Variants in ADGRB3 observed in about 807,000 individuals in gnomAD.
ADGRB3 encodes the protein adhesion G protein-coupled receptor B3.
ADGRB3 carries 37 observed loss-of-function variants against 193.4 expected under a neutral mutation model. The ratio of observed to expected loss-of-function variants is 0.19; its 90% confidence interval spans 0.15 to 0.25. The LOEUF (loss-of-function observed/expected upper bound fraction) is 0.25, where lower values mean the gene tolerates loss of function less well. ADGRB3 is among the 10% of genes least tolerant of loss of function. The probability of loss-of-function intolerance (pLI) is 1.00; values close to 1 mark genes in which losing one functional copy is unlikely to be tolerated. For synonymous variants in ADGRB3, 690 were observed against 644.2 expected, an observed-to-expected ratio of 1.07 and a Z score of -1.08; for missense variants, 1,637 against 1,852.9, an observed-to-expected ratio of 0.88 and a Z score of 2.14.
chr6:69,096,593 C>T (rs909389165), intron 17 of ADGRB3, among the ~76,000 whole-genome samples: 15 of 152,012 alleles, frequency 9.9e-5, no homozygotes, highest in African/African-American at 3.6e-4. Context: ...GGGTGTTTTT[C>T]CTGACCCCCA....
chr6:69,095,922 T>G (rs1366159113), intron 17 of ADGRB3, among the ~76,000 whole-genome samples: 1 of 152,184 alleles, frequency 6.6e-6, no homozygotes, highest in East Asian at 1.9e-4. Flanking sequence ...AACAATTTCT[T>G]TGATAATATT....
At chr6:69,126,249 A>G (rs954716260) in intron 17 of ADGRB3, among the ~76,000 whole-genome samples, 3 of 152,062 alleles carry the variant, frequency 2.0e-5, no homozygotes, top group African/African-American at 4.8e-5. Flanking sequence ...ATACATACAT[A>G]CATACATACA....
At chr6:68,921,046 A>G (rs922634201) in intron 3 of ADGRB3, among the ~76,000 whole-genome samples, 6 of 152,194 alleles carry the variant, frequency 3.9e-5, no homozygotes, top group African/African-American at 1.4e-4. Context: ...TATCTCGAGA[A>G]AAAAGTAGCA....
At chr6:69,065,345 T>G (rs1771870607) in intron 16 of ADGRB3, among the ~76,000 whole-genome samples, 1 of 152,166 alleles carries the variant, frequency 6.6e-6, no homozygotes, top group Middle Eastern at 3.2e-3. Context: ...CAGAGGCTCC[T>G]CCAGTTACTG....
chr6:68,894,413 G>A (rs1404633471), intron 3 of ADGRB3, among the ~76,000 whole-genome samples: 1 of 151,890 alleles, frequency 6.6e-6, no homozygotes, highest in African/African-American at 2.4e-5. Context: ...TGTTCTATAT[G>A]AGTTACAAGG....
chr6:68,650,827 G>A (rs1021510036), intron 3 of ADGRB3, among the ~76,000 whole-genome samples: 1 of 151,974 alleles, frequency 6.6e-6, no homozygotes, highest in Non-Finnish European at 1.5e-5. Flanking sequence ...AAAGGAGCCT[G>A]AGAGGAAAAG....
At chr6:69,361,796 TG>T (rs1197515653) in intron 29 of ADGRB3, among the ~76,000 whole-genome samples, 2 of 8,148 alleles carry the variant, frequency 2.5e-4, no homozygotes, top group African/African-American at 1.6e-3. Context: ...TCTGTCATCA[TG>T]GGAACTAAGG....
intron 3 of ADGRB3, among the ~76,000 whole-genome samples, chr6:68,850,953 G>C (rs1768386276): frequency 6.6e-6 from 1 of 151,882 alleles, no homozygotes; most frequent in South Asian, 2.1e-4. Context: ...TCTCACATTT[G>C]AGCTCATTTT....
chr6:69,060,423 C>T (rs2150306938), intron 15 of ADGRB3, among the ~76,000 whole-genome samples: 1 of 152,112 alleles, frequency 6.6e-6, no homozygotes, highest in South Asian at 2.1e-4. Context: ...CATTCAGGGC[C>T]AAAGTCTCCA....
At chr6:69,040,347 T>TTCTTTCTTTCTTTCTTTCTTTC (rs1562133132) in intron 13 of ADGRB3, among the ~76,000 whole-genome samples, 1 of 54,374 alleles carries the variant, frequency 1.8e-5, no homozygotes, top group Non-Finnish European at 3.8e-5. Flanking sequence ...CTTTCTTTCT[T>TTCTTTCTTTCTTTCTTTCTTTC]TCTTTCTTTC....
chr6:69,360,026 T>C (rs1186825575), intron 28 of ADGRB3, among the ~76,000 whole-genome samples: 1 of 151,854 alleles, frequency 6.6e-6, no homozygotes, highest in African/African-American at 2.4e-5. Flanking sequence ...AAAGAATTAT[T>C]TACTCTTTTG....
intron 3 of ADGRB3, among the ~76,000 whole-genome samples, chr6:68,897,860 AGAAAAAAGAAAG>A (rs1766281864): frequency 7.2e-6 from 1 of 138,650 alleles, no homozygotes; most frequent in African/African-American, 2.6e-5. Flanking sequence ...AGAAAACAAA[AGAAAAAAGAAAG>A]AAAGAAAGAA....
At chr6:69,251,521 T>C (rs568421978) in intron 20 of ADGRB3, among the ~76,000 whole-genome samples, 13 of 152,262 alleles carry the variant, frequency 8.5e-5, no homozygotes, top group African/African-American at 3.1e-4. Context: ...TTTAAGTGAA[T>C]GAAGAAAATA....
Position 68,661,341 on chromosome 6 carries a change from ATGTGTG to A in ADGRB3, c.757+21927_757+21932del, listed in dbSNP as rs71745062. 3.7e-4 allele frequency among the ~76,000 whole-genome samples: 21 copies of A among 57,018 alleles called. 1 individual carries two copies. The highest frequency in any genetic ancestry group is 8.0e-4 in the African/African-American group (15 of 18,822). The allele number at this position is 57,018 out of a possible 152,430, so 37.4% of individuals were successfully genotyped here. The stretch of plus-strand genomic sequence containing the variant: ...TGTGTGTGTGTATATATATATATAT[ATGTGTG>A]TGTGTGTGTGTGTGTGTATATATAT... On this transcript the variant is annotated intron_variant, in intron 3 of 31. Coordinates refer to ENST00000370598, the MANE Select transcript of ADGRB3 (RefSeq NM_001704.3).
intron 16 of ADGRB3, among the ~76,000 whole-genome samples, chr6:69,068,848 T>G (rs901494306): frequency 1.3e-5 from 2 of 152,194 alleles, no homozygotes; most frequent in Non-Finnish European, 1.5e-5. Context: ...CTATGTAACA[T>G]AGATGGGACT....
intron 17 of ADGRB3, among the ~76,000 whole-genome samples, chr6:69,202,335 A>G (rs1038267775): frequency 4.6e-5 from 7 of 152,220 alleles, no homozygotes; most frequent in Middle Eastern, 3.4e-3. Flanking sequence ...ATACTTTTCT[A>G]TATGCTGAAG....
intron 20 of ADGRB3, among the ~76,000 whole-genome samples, chr6:69,284,838 A>G (rs919359682): frequency 2.6e-5 from 4 of 152,144 alleles, no homozygotes; most frequent in African/African-American, 9.7e-5. Context: ...AGATTATTGT[A>G]ATGGGCTTTC....
chr6:69,289,590 G>A (rs1220546877), intron 20 of ADGRB3, among the ~76,000 whole-genome samples: 1 of 152,018 alleles, frequency 6.6e-6, no homozygotes, highest in Non-Finnish European at 1.5e-5. Flanking sequence ...ATCCACACCT[G>A]CATGCCCATG....
chr6:69,043,334 G>A lies in ADGRB3; in HGVS notation c.2108-4851G>A, dbSNP rs7764626. On this transcript the variant is annotated intron_variant, in intron 13 of 31. Coordinates refer to ENST00000370598, the MANE Select transcript of ADGRB3 (RefSeq NM_001704.3). ...AAAGAAAGAAAGAAAGAAAGAAAGAGAAAGAAAAGAAGATTAAGTAAAAAG... is the reference window on the plus strand; with the variant it reads ...AAAGAAAGAAAGAAAGAAAGAAAGAAAAAGAAAAGAAGATTAAGTAAAAAG... 5.6e-3 allele frequency among the ~76,000 whole-genome samples: 611 copies of A among 110,028 alleles called. 33 individuals carry two copies. Among genetic ancestry groups the A allele is most frequent in the African/African-American group, 0.012 (388 of 31,464 alleles). 72.2% of individuals were successfully genotyped at this position (110,028 alleles called of 152,430 possible).
Sources: allele counts gnomAD v4.1 joint callset (sites outside exome capture counted in the v4.1 genomes callset), GRCh38; gene constraint gnomAD v4.1.1; transcripts MANE v1.5; gene names NCBI Gene and HGNC (gene_info 2026-07-23, HGNC 2026-07-21).